PGRMC2: variants seen among roughly 807,000 people sequenced by gnomAD.
PGRMC2 encodes the protein membrane-associated progesterone receptor component 2.
PGRMC2 carries 9 observed loss-of-function variants against 19.3 expected under a neutral mutation model. The observed-to-expected ratio is 0.47, with a 90% CI of 0.28 to 0.81. The LOEUF is 0.81. Among genes scored for constraint, PGRMC2 ranks in the 40% least tolerant of loss-of-function variants. The probability of loss-of-function intolerance (pLI) is 0.11; values close to 1 mark genes in which losing one functional copy is unlikely to be tolerated. For missense variants in PGRMC2, 289 were observed against 297.3 expected (o/e 0.97, Z 0.21); for synonymous variants, 157 against 124.6 (o/e 1.26, Z -1.73).
intron 1 of PGRMC2, among the ~76,000 whole-genome samples, chr4:128,284,876 T>C (rs1353537670): frequency 1.3e-5 from 2 of 152,226 alleles, no homozygotes; most frequent in Admixed American, 1.3e-4. Context: ...TCTATTAATA[T>C]GCAATATCAA....
At position 128,287,548 on chromosome 4, in the gene PGRMC2, C is replaced by T; in HGVS notation, c.243G>A (p.Gly81=). The part of the protein sequence containing the change: ...LWVRWGRRGL[G]AGAGAGEESP... The stretch of plus-strand genomic sequence containing the variant: ...TCTCCTCGCCCGCCCCGGCCCCGGC[C>T]CCCAGACCCCGCCGCCCCCAGCGCA... The change falls in exon 1 of 3, where the codon GGG becomes GGA. Residue 81 remains glycine (G), a synonymous_variant. Coordinates refer to ENST00000296425, the MANE Select transcript of PGRMC2 (RefSeq NM_006320.6). The T allele has an allele frequency of 6.5e-7, 1 of 1,539,578 alleles. No individual in the cohort carries two copies. The highest frequency in any genetic ancestry group is 8.8e-7 in the Non-Finnish European group (1 of 1,141,440).
chr4:128,286,539 T>C (rs1578888484), intron 1 of PGRMC2: 1 of 397,038 alleles, frequency 2.5e-6, no homozygotes, highest in East Asian at 3.6e-5. Flanking sequence ...TCTCCTTAGT[T>C]CTGCTAAGTG....
At chr4:128,287,324 T>G in intron 1 of PGRMC2, 49 bp downstream of exon 1, 3 of 1,549,898 alleles carry the variant, frequency 1.9e-6, no homozygotes, top group Non-Finnish European at 2.6e-6. Context: ...CCGAAGGGGG[T>G]TGTGCTTCAG....
chr4:128,287,248 G>A (rs567010564), intron 1 of PGRMC2, 125 bp downstream of exon 1: 63 of 1,170,032 alleles, frequency 5.4e-5, no homozygotes, highest in East Asian at 1.1e-4. Context: ...TGCGGCGGCC[G>A]AGGCGCGGGG....
At chr4:128,277,710 T>C (rs997162240) in intron 1 of PGRMC2, among the ~76,000 whole-genome samples, 6 of 152,216 alleles carry the variant, frequency 3.9e-5, no homozygotes, top group Non-Finnish European at 8.8e-5. Context: ...TGAGGCAATA[T>C]GTAAAAGTGA....
At chr4:128,279,046 T>C (rs1056031667) in intron 1 of PGRMC2, among the ~76,000 whole-genome samples, 8 of 151,966 alleles carry the variant, frequency 5.3e-5, no homozygotes, top group Non-Finnish European at 1.0e-4. Context: ...CCGTCTCTAC[T>C]AAAAATACAA....
chr4:128,272,369 C>T lies in PGRMC2; in HGVS notation c.567G>A (p.Gln189=). Residue 189 remains glutamine, a synonymous_variant, in exon 2 of 3, where the codon CAG becomes CAA. Coordinates refer to ENST00000296425, the MANE Select transcript of PGRMC2 (RefSeq NM_006320.6). ...CCAACAAAATAAAAATACCTTTAAA[C>T]TGCATTTCCCATTCTCGAACACTCT... The part of the protein sequence containing the change: ...QMESVREWEM[Q]FKEKYDYVGR... 2 of 1,497,072 alleles carry T rather than the reference C, an allele frequency of 1.3e-6. No individual in the cohort carries two copies. The highest frequency in any genetic ancestry group is 2.4e-5 in the East Asian group (1 of 40,854). 92.7% of individuals were successfully genotyped at this position (1,497,072 alleles called of 1,614,324 possible). A position where few individuals can be genotyped will look rare whatever the true frequency, so the allele number is the denominator to read the frequency against.
intron 1 of PGRMC2, among the ~76,000 whole-genome samples, chr4:128,285,311 T>C (rs552031225): frequency 4.8e-4 from 73 of 152,262 alleles, no homozygotes; most frequent in African/African-American, 1.7e-3. Context: ...GTATTTTTAG[T>C]AGAGACGAGG....
At chr4:128,284,362 G>A (rs1422180596) in intron 1 of PGRMC2, among the ~76,000 whole-genome samples, 3 of 152,198 alleles carry the variant, frequency 2.0e-5, no homozygotes, top group Admixed American at 6.5e-5. Flanking sequence ...CAACTTCACT[G>A]AGGAATTATG....
rs1479476451 is a variant in PGRMC2, at chr4:128,270,083, A to G, written c.*1233T>C. 1 of 152,638 alleles carries G rather than the reference A, an allele frequency of 6.6e-6. No homozygotes were observed. The highest frequency in any genetic ancestry group is 1.5e-5 in the Non-Finnish European group (1 of 68,036). 9.5% of individuals were successfully genotyped at this position (152,638 alleles called of 1,614,324 possible). A position where few individuals can be genotyped will look rare whatever the true frequency, so the allele number is the denominator to read the frequency against. On this transcript the variant is annotated 3_prime_UTR_variant, in exon 3 of 3. Transcript: ENST00000296425. The stretch of plus-strand genomic sequence containing the variant: ...TCTTGAATCAAATGCACAATCTTAC[A>G]ACTGTATCATAATGCACTGGCTTAC...
chr4:128,280,897 GCCCA>G (rs1760901088), intron 1 of PGRMC2, among the ~76,000 whole-genome samples: 2 of 152,096 alleles, frequency 1.3e-5, no homozygotes, highest in Non-Finnish European at 2.9e-5. Flanking sequence ...ACTGCGCCTG[GCCCA>G]ATCTACAATT....
intron 1 of PGRMC2, among the ~76,000 whole-genome samples, chr4:128,274,816 C>T (rs1760784321): frequency 6.6e-6 from 1 of 152,114 alleles, no homozygotes; most frequent in Admixed American, 6.5e-5. Flanking sequence ...TAACAATCTA[C>T]AAATGGAAAA....
intron 1 of PGRMC2, among the ~76,000 whole-genome samples, chr4:128,286,390 T>C (rs1760984183): frequency 6.6e-6 from 1 of 152,036 alleles, no homozygotes. Context: ...ACAACCACAC[T>C]GTAAAAAAAG....
Position 128,282,511 on chromosome 4 carries a change from G to A in PGRMC2, c.418+4862C>T, listed in dbSNP as rs188449971. On this transcript the variant is annotated intron_variant, in intron 1 of 2. Coordinates refer to ENST00000296425, the MANE Select transcript of PGRMC2 (RefSeq NM_006320.6). The stretch of plus-strand genomic sequence containing the variant: ...GATTCCCTCAAAGATTAAAAACAAC[G>A]GGATGATGTTGAATTCAGAGCCAAC... 5.3e-5 allele frequency among the ~76,000 whole-genome samples: 8 copies of A among 152,226 alleles called. No homozygotes were observed. The South Asian group carries it at 6.2e-4, about 12-fold the overall frequency.
intron 1 of PGRMC2, among the ~76,000 whole-genome samples, chr4:128,280,198 A>T (rs1760886536): frequency 6.6e-6 from 1 of 152,102 alleles, no homozygotes; most frequent in African/African-American, 2.4e-5. Flanking sequence ...TTAAAGAACT[A>T]AAGTAAATTT....
chr4:128,287,587 G>T lies in PGRMC2; in HGVS notation c.204C>A (p.Ala68=). Residue 68 remains alanine (A), a synonymous_variant, in exon 1 of 3, where the codon GCC becomes GCA. Coordinates refer to ENST00000296425, the MANE Select transcript of PGRMC2 (RefSeq NM_006320.6). The part of the protein sequence containing the change: ...VALVALVLLG[A]YRLWVRWGRR... ...GCCCCCAGCGCACCCACAGCCGGTA[G>T]GCCCCCAGCAGCACCAGAGCCACCA... 1 of 1,522,634 alleles carries T rather than the reference G, an allele frequency of 6.6e-7. No individual in the cohort carries two copies. The highest frequency in any genetic ancestry group is 8.8e-7 in the Non-Finnish European group (1 of 1,135,194). 94.3% of individuals were successfully genotyped at this position (1,522,634 alleles called of 1,614,324 possible).
intron 2 of PGRMC2, 29 bp from the exon 3 acceptor site, chr4:128,271,442 G>T: frequency 8.1e-7 from 1 of 1,227,888 alleles, no homozygotes; most frequent in Non-Finnish European, 1.2e-6. Flanking sequence ...GAAAATCAGT[G>T]GTGATCAAAT....
At position 128,269,565 on chromosome 4, in the gene PGRMC2, G is replaced by A. The variant is rs1332149155; in HGVS notation, c.*1751C>T. 3 of 152,162 alleles carry A rather than the reference G, an allele frequency of 2.0e-5. No individual in the cohort carries two copies. The highest frequency in any genetic ancestry group is 2.1e-4 in the South Asian group (1 of 4,824). The allele number at this position is 152,162 out of a possible 1,614,324, so 9.4% of individuals were successfully genotyped here. A position where few individuals can be genotyped will look rare whatever the true frequency, so the allele number is the denominator to read the frequency against. On this transcript the variant is annotated 3_prime_UTR_variant, in exon 3 of 3. Transcript: ENST00000296425. ...AAAACACTCCAAGACTGAATAGAAT[G>A]TAGTATTTTACATACTTTAGCTTAT...
rs568496768 is a variant in PGRMC2 at position 128,270,893 on chromosome 4, G to A, written c.*423C>T. Reference sequence around the variant, plus strand: ...TCACCCATGTTAAAATAAAAACACAGTATGTGACACAGGAGTCCCTTGATG... The same window carrying A: ...TCACCCATGTTAAAATAAAAACACAATATGTGACACAGGAGTCCCTTGATG... On this transcript the variant is annotated 3_prime_UTR_variant, in exon 3 of 3. Transcript: ENST00000296425. 6.5e-5 allele frequency: 10 copies of A among 153,604 alleles called. No individual in the cohort carries two copies. The highest frequency in any genetic ancestry group is 1.9e-4 in the African/African-American group (8 of 41,566). 9.5% of individuals were successfully genotyped at this position (153,604 alleles called of 1,614,324 possible). A position where few individuals can be genotyped will look rare whatever the true frequency, so the allele number is the denominator to read the frequency against.
Sources: gnomAD v4.1 joint callset for allele counts (sites outside exome capture counted in the v4.1 genomes callset) on GRCh38, gnomAD v4.1.1 for gene constraint, MANE v1.5 for transcripts, NCBI Gene and HGNC (gene_info 2026-07-23, HGNC 2026-07-21) for gene names.